Variants in SPMIP4 observed in about 807,000 individuals in gnomAD.
SPMIP4 encodes the protein sperm-associated microtubule inner protein 4.
the SPMIP4 span, among the ~76,000 whole-genome samples, chr7:25,166,766 C>T: frequency 5.9e-5 from 9 of 151,608 alleles, no homozygotes; most frequent in East Asian, 3.9e-4. Flanking sequence ...TGGTGGCACA[C>T]GCCTGTAATC....
chr7:25,151,175 C>CA, the SPMIP4 span, among the ~76,000 whole-genome samples: 1 of 151,462 alleles, frequency 6.6e-6, no homozygotes, highest in African/African-American at 2.4e-5. Context: ...AAATCATAGT[C>CA]AAAATCTCAA....
At chr7:25,125,978 C>G in the SPMIP4 span, 1 of 984,974 alleles carries the variant, frequency 1.0e-6, no homozygotes, top group East Asian at 1.1e-4. Context: ...CCCTCTGGAA[C>G]TGAAAAATAA....
the SPMIP4 span, among the ~76,000 whole-genome samples, chr7:25,177,401 T>G: frequency 6.6e-6 from 1 of 152,096 alleles, no homozygotes; most frequent in Non-Finnish European, 1.5e-5. Context: ...GAGAATTGCT[T>G]GAACCCAGGA....
At chr7:25,158,787 G>A in the SPMIP4 span, among the ~76,000 whole-genome samples, 1 of 151,382 alleles carries the variant, frequency 6.6e-6, no homozygotes, top group Non-Finnish European at 1.5e-5. Flanking sequence ...GTGCATGCCT[G>A]TAATCCCAGC....
the SPMIP4 span, among the ~76,000 whole-genome samples, chr7:25,139,038 CT>C: frequency 2.0e-5 from 3 of 152,034 alleles, no homozygotes; most frequent in Non-Finnish European, 4.4e-5. Context: ...GAGGAGGAAA[CT>C]TTCTGGAATG....
the SPMIP4 span, chr7:25,135,174 G>A: frequency 4.7e-6 from 2 of 427,326 alleles, no homozygotes; most frequent in Non-Finnish European, 6.2e-6. Flanking sequence ...CAGAAATGAA[G>A]ATTTGGGGCT....
the SPMIP4 span, chr7:25,135,759 T>C: frequency 2.4e-6 from 3 of 1,231,938 alleles, no homozygotes; most frequent in East Asian, 6.4e-5. Context: ...TAATATTTTA[T>C]TGCCAAATTG....
At chr7:25,144,509 C>A in the SPMIP4 span, among the ~76,000 whole-genome samples, 1 of 152,192 alleles carries the variant, frequency 6.6e-6, no homozygotes, top group African/African-American at 2.4e-5. Context: ...AGGTATATAC[C>A]AGCTTGGCAG....
the SPMIP4 span, chr7:25,168,257 A>T: frequency 1.9e-6 from 3 of 1,575,048 alleles, no homozygotes; most frequent in Admixed American, 6.3e-5. Context: ...GATAATAAAG[A>T]CCTTTCTGTG....
chr7:25,139,912 A>G, the SPMIP4 span, among the ~76,000 whole-genome samples: 1 of 152,184 alleles, frequency 6.6e-6, no homozygotes, highest in African/African-American at 2.4e-5. Context: ...GAGTCACTAA[A>G]ACTTTCTTTT....
the SPMIP4 span, among the ~76,000 whole-genome samples, chr7:25,141,137 C>T: frequency 6.6e-6 from 1 of 152,154 alleles, no homozygotes; most frequent in African/African-American, 2.4e-5. Flanking sequence ...CAGGCCATTT[C>T]GCATAATCAA....
the SPMIP4 span, among the ~76,000 whole-genome samples, chr7:25,146,353 C>T: frequency 6.6e-6 from 1 of 152,090 alleles, no homozygotes; most frequent in Admixed American, 6.6e-5. Context: ...AGTTTGTTTC[C>T]CATTCTGGGC....
the SPMIP4 span, among the ~76,000 whole-genome samples, chr7:25,148,477 C>CTTT: frequency 7.8e-6 from 1 of 128,184 alleles, no homozygotes; most frequent in Admixed American, 7.8e-5. Flanking sequence ...GAATCTGCCT[C>CTTT]TTTTTTTTTT....
chr7:25,172,855 G>A, the SPMIP4 span, among the ~76,000 whole-genome samples: 1 of 152,078 alleles, frequency 6.6e-6, no homozygotes, highest in Admixed American at 6.5e-5. The surrounding 1 kb of genome is among the most constrained non-coding windows in gnomAD (Gnocchi z 4.2). Flanking sequence ...TGTAGACAAG[G>A]GCCATGGTGA....
the SPMIP4 span, chr7:25,179,234 G>C: frequency 1.2e-6 from 2 of 1,613,712 alleles, no homozygotes; most frequent in South Asian, 1.1e-5. Context: ...ATTCATTAGA[G>C]TAAAAGGTGT....
At chr7:25,142,897 C>A in the SPMIP4 span, 1 of 1,028,450 alleles carries the variant, frequency 9.7e-7, no homozygotes, top group South Asian at 2.6e-5. Flanking sequence ...AGGAAAGAGG[C>A]AAAGGAAATT....
At chr7:25,177,565 G>A in the SPMIP4 span, among the ~76,000 whole-genome samples, 31 of 152,156 alleles carry the variant, frequency 2.0e-4, no homozygotes, top group African/African-American at 7.2e-4. Context: ...GTGTTTTGAG[G>A]TGTTTTTTCC....
At chr7:25,142,090 G>T in the SPMIP4 span, 6 of 596,878 alleles carry the variant, frequency 1.0e-5, no homozygotes, top group African/African-American at 1.1e-4. Context: ...ATTCAAACCA[G>T]TTCAAATCAG....
chr7:25,168,814 C>T, the SPMIP4 span, among the ~76,000 whole-genome samples: 4 of 149,294 alleles, frequency 2.7e-5, no homozygotes, highest in African/African-American at 5.0e-5. Flanking sequence ...CAGCCTCTGC[C>T]TCCTGGGTTC....
Sources: gnomAD v4.1 joint callset for allele counts (sites outside exome capture counted in the v4.1 genomes callset) on GRCh38, gnomAD v4.1.1 for gene constraint, Gnocchi (gnomAD v3.1) non-coding constraint, MANE v1.5 for transcripts, NCBI Gene and HGNC (gene_info 2026-07-23, HGNC 2026-07-21) for gene names.